The following RAMP3 variants were observed in gnomAD, a reference collection of about 807,000 sequenced individuals.
The protein encoded by RAMP3 is receptor activity modifying protein 3, also known as receptor activity-modifying protein 3.
RAMP3 carries 14 observed loss-of-function variants against 13.5 expected under a neutral mutation model. That is an observed-to-expected ratio of 1.04 (90% CI 0.69 to 1.63). The LOEUF is 1.63. Ranked by LOEUF, RAMP3 falls within the 40% of genes most tolerant of loss-of-function variation. The probability of loss-of-function intolerance (pLI) is 0.00; values close to 1 mark genes in which losing one functional copy is unlikely to be tolerated. For synonymous variants in RAMP3, 106 were observed against 88.3 expected (o/e 1.20, Z -1.12); for missense variants, 200 against 204.8 (o/e 0.98, Z 0.14).
intron 1 of RAMP3, among the ~76,000 whole-genome samples, chr7:45,173,901 G>A (rs1786126941): frequency 6.6e-6 from 1 of 152,088 alleles, no homozygotes; most frequent in Admixed American, 6.5e-5. Context: ...CTGACACCAG[G>A]CCTGAGCTGG....
At chr7:45,173,887 C>T (rs1786126731) in intron 1 of RAMP3, among the ~76,000 whole-genome samples, 1 of 152,190 alleles carries the variant, frequency 6.6e-6, no homozygotes, top group Admixed American at 6.5e-5. Context: ...CTGCTGTGGA[C>T]CTCCTGACAC....
At chr7:45,178,498 G>A (rs1786238540) in intron 2 of RAMP3, among the ~76,000 whole-genome samples, 1 of 152,260 alleles carries the variant, frequency 6.6e-6, no homozygotes. Flanking sequence ...CCCCGGCCCT[G>A]GCCATTCTAG....
At chr7:45,180,356 T>C (rs1445399434) in intron 2 of RAMP3, among the ~76,000 whole-genome samples, 2 of 152,256 alleles carry the variant, frequency 1.3e-5, no homozygotes, top group Non-Finnish European at 2.9e-5. Flanking sequence ...TTCTTTCCCC[T>C]GAATGTTCAT....
At chr7:45,169,561 C>T (rs551967231) in intron 1 of RAMP3, among the ~76,000 whole-genome samples, 63 of 152,262 alleles carry the variant, frequency 4.1e-4, no homozygotes, top group African/African-American at 1.5e-3. Flanking sequence ...TGACTTAAAA[C>T]CCGTTCTGGA....
intron 1 of RAMP3, among the ~76,000 whole-genome samples, chr7:45,170,376 T>C (rs1786056824): frequency 2.0e-5 from 3 of 152,134 alleles, no homozygotes; most frequent in Admixed American, 2.0e-4. Flanking sequence ...TCTTGCTCTG[T>C]CACCTAGGCT....
chr7:45,162,271 T>C lies in RAMP3; in HGVS notation c.58+4385T>C, dbSNP rs113275904. Among the ~76,000 whole-genome samples, 332 of 152,278 alleles carry C rather than the reference T, an allele frequency of 2.2e-3. 1 individual carries two copies. Among genetic ancestry groups the C allele is most frequent in the African/African-American group, 7.6e-3 (316 of 41,542 alleles). On this transcript the variant is annotated intron_variant, in intron 1 of 2. Transcript: ENST00000242249. ...GATGTTTTTCAGGCCCTTCCCAGGA[T>C]CAATGCCGACCTGTACTCCAGAATC...
At chr7:45,176,219 G>A (rs1253773736) in intron 1 of RAMP3, among the ~76,000 whole-genome samples, 2 of 152,160 alleles carry the variant, frequency 1.3e-5, no homozygotes, top group East Asian at 1.9e-4. Flanking sequence ...GTGGGTGTGA[G>A]CCAGGTCTGT....
chr7:45,161,730 T>C (rs1785870532), intron 1 of RAMP3, among the ~76,000 whole-genome samples: 1 of 150,656 alleles, frequency 6.6e-6, no homozygotes, highest in Non-Finnish European at 1.5e-5. Flanking sequence ...TGGGTCTCGG[T>C]GGCCTGATAG....
chr7:45,157,885 C>A lies in RAMP3; in HGVS notation c.57C>A (p.Cys19Ter). The A allele has an allele frequency of 1.4e-6, 2 of 1,385,932 alleles. No individual in the cohort carries two copies. The highest frequency in any genetic ancestry group is 3.0e-5 in the East Asian group (1 of 33,022). 85.9% of individuals were successfully genotyped at this position (1,385,932 alleles called of 1,614,324 possible). Residue 19 changes from cysteine (C) to a stop codon, truncating the protein, a stop_gained and splice_region_variant, in exon 1 of 3, where the codon TGC becomes TGA. Transcript: ENST00000242249. LOFTEE classifies it high-confidence loss of function. ...TTCTCCCGTTGCTGCTGCTGCTCTG[C>A]GGTAAGGGGGCGACGGCCCGCACCG... is the stretch of plus-strand genomic sequence containing the variant. ...PQLLPLLLLLCGGCPRAGGCN... is the reference protein window; with the variant it reads ...PQLLPLLLLL
chr7:45,168,912 A>G (rs1245306956), intron 1 of RAMP3, among the ~76,000 whole-genome samples: 3 of 152,158 alleles, frequency 2.0e-5, no homozygotes. Context: ...GGCATTTCAT[A>G]TATGGTCATT....
At chr7:45,159,984 T>C (rs1215967310) in intron 1 of RAMP3, among the ~76,000 whole-genome samples, 1 of 152,158 alleles carries the variant, frequency 6.6e-6, no homozygotes, top group Non-Finnish European at 1.5e-5. Flanking sequence ...TTCTACTGAA[T>C]CAAGTGGGCC....
intron 2 of RAMP3, among the ~76,000 whole-genome samples, chr7:45,177,707 C>T (rs774708768): frequency 2.6e-5 from 4 of 152,180 alleles, no homozygotes; most frequent in African/African-American, 4.8e-5. Flanking sequence ...CCGCCCATGC[C>T]GTGCCCCTGC....
intron 1 of RAMP3, among the ~76,000 whole-genome samples, chr7:45,161,831 C>T (rs1393615148): frequency 6.6e-6 from 1 of 151,938 alleles, no homozygotes; most frequent in Non-Finnish European, 1.5e-5. Flanking sequence ...GTGGACCAGG[C>T]TGCAGGTGTG....
intron 1 of RAMP3, chr7:45,163,321 T>G: frequency 2.0e-6 from 2 of 985,458 alleles, no homozygotes; most frequent in Non-Finnish European, 2.4e-6. Flanking sequence ...CCTACCAGCC[T>G]TATAGAAGAA....
At chr7:45,178,978 G>A (rs1488133242) in intron 2 of RAMP3, among the ~76,000 whole-genome samples, 3 of 152,130 alleles carry the variant, frequency 2.0e-5, no homozygotes, top group South Asian at 2.1e-4. Context: ...CGACCCGGCC[G>A]GCAGCACCAG....
chr7:45,164,530 G>A (rs1354405014), intron 1 of RAMP3, among the ~76,000 whole-genome samples: 1 of 140,740 alleles, frequency 7.1e-6, no homozygotes, highest in African/African-American at 2.9e-5. Flanking sequence ...GTGAGACTTT[G>A]TCTCAAAAGA....
At chr7:45,169,046 C>G (rs59314489) in intron 1 of RAMP3, among the ~76,000 whole-genome samples, 66 of 152,218 alleles carry the variant, frequency 4.3e-4, no homozygotes, top group African/African-American at 1.4e-3. Flanking sequence ...TGTGGTTCCC[C>G]CCTTCGTTTA....
In RAMP3 at chr7:45,183,417, C is replaced by T. The variant is rs772653637; in HGVS notation, c.*5C>T. 5 of 1,611,148 alleles carry T rather than the reference C, an allele frequency of 3.1e-6. No individual in the cohort carries two copies. Among genetic ancestry groups the T allele is most frequent in the South Asian group, 1.1e-5 (1 of 91,082 alleles). ...CGCACCGACACGCTGCTGTGAGGGT[C>T]CCGGTGAGATGGAGTGGGTCACACC... On this transcript the variant is annotated 3_prime_UTR_variant, in exon 3 of 3. Coordinates refer to ENST00000242249, the MANE Select transcript of RAMP3 (RefSeq NM_005856.3).
chr7:45,168,530 G>T (rs759071514), intron 1 of RAMP3, among the ~76,000 whole-genome samples: 8 of 151,552 alleles, frequency 5.3e-5, no homozygotes, highest in Non-Finnish European at 1.2e-4. Flanking sequence ...TATTGGAATT[G>T]GAATTGTTTT....
Sources: allele counts gnomAD v4.1 joint callset (sites outside exome capture counted in the v4.1 genomes callset), GRCh38; gene constraint gnomAD v4.1.1; transcripts MANE v1.5; gene names NCBI Gene and HGNC (gene_info 2026-07-23, HGNC 2026-07-21).